Variants in MLPH observed in about 807,000 individuals in gnomAD.
MLPH encodes the protein melanophilin, also known as exophilin-3.
Under a neutral mutation model 72.1 loss-of-function variants are expected in MLPH, and 51 were observed. The observed-to-expected ratio is 0.71, with a 90% CI of 0.56 to 0.89. MLPH has a LOEUF of 0.89. Among genes scored for constraint, MLPH ranks in the 40% least tolerant of loss-of-function variants. The pLI is 0.00. For missense variants in MLPH, 743 were observed against 759.9 expected (o/e 0.98, Z 0.26); for synonymous variants, 301 against 310.1 (o/e 0.97, Z 0.31).
Position 237,505,969 on chromosome 2 carries a change from C to G in MLPH, c.111-4605C>G, listed in dbSNP as rs983438062. ...ATCCCCGTCTCCAGGGCTCTGTCTCCCCTGGGAGCTCACTTTCTCGGCCTT... is the reference window on the plus strand; with the variant it reads ...ATCCCCGTCTCCAGGGCTCTGTCTCGCCTGGGAGCTCACTTTCTCGGCCTT... On this transcript the variant is annotated intron_variant, in intron 2 of 15. Transcript: ENST00000264605. This position sits in a 1 kb window ranked among gnomAD's most constrained non-coding sequence, Gnocchi z 4.5. Among the ~76,000 whole-genome samples, 1 of 142,276 alleles carries G rather than the reference C, an allele frequency of 7.0e-6. No homozygotes were observed. The highest frequency in any genetic ancestry group is 1.5e-5 in the Non-Finnish European group (1 of 68,038). The allele number at this position is 142,276 out of a possible 152,430, so 93.3% of individuals were successfully genotyped here.
chr2:237,503,254 G>C (rs1213280862), intron 2 of MLPH, among the ~76,000 whole-genome samples: 1 of 152,164 alleles, frequency 6.6e-6, no homozygotes, highest in African/African-American at 2.4e-5. Flanking sequence ...CTAAAACAGG[G>C]ACTCCGCTGC....
At chr2:237,525,580 C>A in intron 6 of MLPH, 21 bp from the exon 7 acceptor site, 1 of 1,613,374 alleles carries the variant, frequency 6.2e-7, no homozygotes, top group Non-Finnish European at 8.5e-7. Context: ...GCAGAGGAGG[C>A]TGACAGCCCC....
intron 13 of MLPH, 92 bp downstream of exon 13, chr2:237,546,775 A>G: frequency 9.6e-7 from 1 of 1,041,216 alleles, no homozygotes; most frequent in Non-Finnish European, 1.5e-6. Flanking sequence ...GGGGTGGCAG[A>G]GATGCAATGT....
chr2:237,531,883 C>A (rs2106354447), intron 8 of MLPH, among the ~76,000 whole-genome samples: 1 of 152,208 alleles, frequency 6.6e-6, no homozygotes, highest in East Asian at 1.9e-4. Context: ...TATCTCCAAT[C>A]CTGTTTGGTC....
intron 4 of MLPH, among the ~76,000 whole-genome samples, chr2:237,517,348 C>A (rs572081180): frequency 2.9e-5 from 4 of 138,426 alleles, no homozygotes; most frequent in Middle Eastern, 5.7e-3. Context: ...GGTGGATGGG[C>A]GGATAGATAG....
Position 237,542,658 on chromosome 2 carries a change from C to G in MLPH, c.1538C>G (p.Pro513Arg), listed in dbSNP as rs369604551. ...AAGCCCCGGAGGAAGTCAAACCTCC[C>G]GGTGAGTGGGGGGCAGTGGTGAGTG... ...SGKPRRKSNL[P>R]IFLPRVAGKL... The change falls in exon 12 of 16, where the codon CCG becomes CGG. Residue 513 changes from proline to arginine, a missense_variant and splice_region_variant. Transcript: ENST00000264605. The G allele has an allele frequency of 1.1e-5, 17 of 1,566,476 alleles. No homozygotes were observed. Among genetic ancestry groups the G allele is most frequent in the Non-Finnish European group, 1.5e-5 (17 of 1,157,136 alleles).
chr2:237,537,397 A>C (rs1047782155), intron 9 of MLPH: 3 of 152,244 alleles, frequency 2.0e-5, no homozygotes, highest in African/African-American at 7.2e-5. Context: ...GTCCTGCCTG[A>C]TGGGCGCTGG....
At chr2:237,507,062 C>CTTT (rs61091364) in intron 2 of MLPH, among the ~76,000 whole-genome samples, 192 of 94,518 alleles carry the variant, frequency 2.0e-3, no homozygotes, top group Middle Eastern at 6.2e-3. Flanking sequence ...TTTTTTTTTT[C>CTTT]TTTTTTTTTT....
intron 10 of MLPH, 45 bp from the exon 11 acceptor site, chr2:237,540,757 C>T: frequency 1.2e-6 from 2 of 1,607,048 alleles, no homozygotes; most frequent in Non-Finnish European, 1.7e-6. Flanking sequence ...TGAAACCCCA[C>T]ACTCCCTCCT....
chr2:237,510,050 G>A lies in MLPH; in HGVS notation c.111-524G>A, dbSNP rs141436135. On this transcript the variant is annotated intron_variant, in intron 2 of 15. Coordinates refer to ENST00000264605, the MANE Select transcript of MLPH (RefSeq NM_024101.7). The surrounding 1 kb of genome is among the most constrained non-coding windows in gnomAD (Gnocchi z 4.4). Reference sequence around the variant, plus strand: ...CCAGGAAGCTGTGTTATTTAAACTCGGATGGTCTAGGAGAACTGTAGACTT... The same window carrying A: ...CCAGGAAGCTGTGTTATTTAAACTCAGATGGTCTAGGAGAACTGTAGACTT... 1.1e-4 allele frequency: 18 copies of A among 171,010 alleles called. No individual in the cohort carries two copies. The highest frequency in any genetic ancestry group is 1.7e-4 in the African/African-American group (7 of 41,912). The allele number at this position is 171,010 out of a possible 1,614,324, so 10.6% of individuals were successfully genotyped here.
chr2:237,493,548 G>A lies in MLPH; in HGVS notation c.110+12G>A, dbSNP rs367589167. 23 of 1,605,772 alleles carry A rather than the reference G, an allele frequency of 1.4e-5. No homozygotes were observed. The highest frequency in any genetic ancestry group is 3.3e-4 in the Middle Eastern group (2 of 6,058). On this transcript the variant is annotated intron_variant, in intron 2 of 15. Transcript: ENST00000264605. ...GAGGAACGGCTAGAGTGAGTGTGCC[G>A]TGCTGAGCCCACGGAGCCCGGGGTC... is the stretch of plus-strand genomic sequence containing the variant.
At chr2:237,536,493 G>T (rs1028982850) in intron 9 of MLPH, among the ~76,000 whole-genome samples, 2 of 152,218 alleles carry the variant, frequency 1.3e-5, no homozygotes, top group Non-Finnish European at 2.9e-5. Context: ...ACTGACCGGA[G>T]AGCACCAGCT....
chr2:237,553,033 A>G, intron 15 of MLPH: 1 of 457,704 alleles, frequency 2.2e-6, no homozygotes, highest in South Asian at 1.6e-5. Flanking sequence ...TGGTTACAGC[A>G]TTTTCTGGAG....
chr2:237,548,170 G>A (rs2080958082), intron 13 of MLPH, among the ~76,000 whole-genome samples: 1 of 152,178 alleles, frequency 6.6e-6, no homozygotes, highest in African/African-American at 2.4e-5. Context: ...GGAAGTGACA[G>A]CGGGGTCTCA....
Position 237,510,821 on chromosome 2 carries a change from G to A in MLPH, c.332+26G>A. 1 of 1,612,020 alleles carries A rather than the reference G, an allele frequency of 6.2e-7. No individual in the cohort carries two copies. The highest frequency in any genetic ancestry group is 8.5e-7 in the Non-Finnish European group (1 of 1,179,242). The stretch of plus-strand genomic sequence containing the variant: ...GTGAGCCCAGGCCTTGAGGTAAAAT[G>A]ACCTTGATAGTTTCTGGATCTGGCG... On this transcript the variant is annotated intron_variant, in intron 3 of 15. Transcript: ENST00000264605. This position sits in a 1 kb window ranked among gnomAD's most constrained non-coding sequence, Gnocchi z 4.4.
At chr2:237,548,751 C>A (rs535865090) in intron 13 of MLPH, among the ~76,000 whole-genome samples, 1 of 152,158 alleles carries the variant, frequency 6.6e-6, no homozygotes, top group African/African-American at 2.4e-5. Flanking sequence ...TGGTGGCGGG[C>A]GCCTGTAGGC....
Position 237,527,517 on chromosome 2 carries a change from G to T in MLPH, c.1020+1G>T. ...AGGCCGGGCGTCTTCTGAGAGTCAG[G>T]TAACGGTGGCTGGAAAGACTTCTGT... On this transcript the variant is annotated splice_donor_variant, in intron 8 of 15. Transcript: ENST00000264605. LOFTEE classifies it high-confidence loss of function. The T allele has an allele frequency of 3.1e-6, 5 of 1,614,118 alleles. No individual in the cohort carries two copies. The highest frequency in any genetic ancestry group is 4.2e-6 in the Non-Finnish European group (5 of 1,180,030).
chr2:237,520,340 A>G (rs1373910989), intron 6 of MLPH, among the ~76,000 whole-genome samples: 2 of 151,672 alleles, frequency 1.3e-5, no homozygotes, highest in East Asian at 3.9e-4. Context: ...AATAAGGCAG[A>G]ACCCCCGAGA....
At chr2:237,527,744 G>T in intron 8 of MLPH, 1 of 597,510 alleles carries the variant, frequency 1.7e-6, no homozygotes, top group South Asian at 2.0e-5. Context: ...ATTAAAAATC[G>T]AGTTTCCATA....
Sources: gnomAD v4.1 joint callset for allele counts (sites outside exome capture counted in the v4.1 genomes callset) on GRCh38, gnomAD v4.1.1 for gene constraint, Gnocchi (gnomAD v3.1) non-coding constraint, MANE v1.5 for transcripts, NCBI Gene and HGNC (gene_info 2026-07-23, HGNC 2026-07-21) for gene names.